The following HMGCLL1 variants were observed in gnomAD, a reference collection of about 807,000 sequenced individuals.
HMGCLL1 encodes the protein 3-hydroxymethyl-3-methylglutaryl-CoA lyase, cytoplasmic.
In HMGCLL1, 36 loss-of-function variants were observed where a neutral mutation model predicts 39.1. That is an observed-to-expected ratio of 0.92 (90% confidence interval 0.71 to 1.22). HMGCLL1 has a LOEUF of 1.22. HMGCLL1 is among the 50% of genes most tolerant of loss of function. The probability of loss-of-function intolerance (pLI) is 0.00; values close to 1 mark genes in which losing one functional copy is unlikely to be tolerated. For synonymous variants in HMGCLL1, 149 were observed against 144.0 expected (o/e 1.03, Z -0.25); for missense variants, 451 against 416.5 (o/e 1.08, Z -0.72).
At chr6:55,516,388 A>T in intron 4 of HMGCLL1, 120 bp downstream of exon 4, 2 of 549,748 alleles carry the variant, frequency 3.6e-6, no homozygotes, top group Non-Finnish European at 6.4e-6. Flanking sequence ...TCTTCATGTT[A>T]GTACATTAGC....
the HMGCLL1 span, among the ~76,000 whole-genome samples, chr6:55,670,591 G>A: frequency 1.3e-5 from 2 of 151,896 alleles, no homozygotes; most frequent in East Asian, 3.9e-4. Context: ...AATTTATATA[G>A]TTATGTTTCC....
At chr6:55,643,548 A>G in the HMGCLL1 span, among the ~76,000 whole-genome samples, 3 of 151,854 alleles carry the variant, frequency 2.0e-5, no homozygotes, top group Non-Finnish European at 4.4e-5. Flanking sequence ...AATACTACAT[A>G]TTATTTTTTC....
intron 7 of HMGCLL1, among the ~76,000 whole-genome samples, chr6:55,482,816 T>C (rs1182215382): frequency 1.3e-5 from 2 of 152,146 alleles, no homozygotes; most frequent in Non-Finnish European, 2.9e-5. Flanking sequence ...ATATTTTCCA[T>C]ATCCCGCAAG....
chr6:55,565,273 G>C (rs1018607352), intron 1 of HMGCLL1, among the ~76,000 whole-genome samples: 1 of 151,864 alleles, frequency 6.6e-6, no homozygotes, highest in African/African-American at 2.4e-5. Flanking sequence ...TTGAAAGTGA[G>C]AATAACAGGA....
chr6:55,473,197 G>A (rs550189872), intron 7 of HMGCLL1, among the ~76,000 whole-genome samples: 9 of 151,212 alleles, frequency 6.0e-5, no homozygotes, highest in Admixed American at 3.3e-4. Flanking sequence ...TTTAAAATCC[G>A]CTGGCAACCT....
chr6:55,487,302 T>A (rs79291535), intron 7 of HMGCLL1, among the ~76,000 whole-genome samples: 4,349 of 152,218 alleles, frequency 0.029, 203 homozygotes, highest in African/African-American at 0.1. Context: ...CTTGTTTGTT[T>A]GTTTTTATAT....
At chr6:55,627,922 A>ATATATATATATAT in the HMGCLL1 span, among the ~76,000 whole-genome samples, 2 of 2,368 alleles carry the variant, frequency 8.4e-4, no homozygotes, top group Non-Finnish European at 1.4e-3. Flanking sequence ...TATATATATA[A>ATATATATATATAT]TATATATACT....
chr6:55,657,235 T>C, the HMGCLL1 span, among the ~76,000 whole-genome samples: 1 of 152,122 alleles, frequency 6.6e-6, no homozygotes, highest in Non-Finnish European at 1.5e-5. Context: ...TTTGCTTTTG[T>C]TGCAGTTGCT....
At chr6:55,588,948 T>A in the HMGCLL1 span, among the ~76,000 whole-genome samples, 1 of 151,760 alleles carries the variant, frequency 6.6e-6, no homozygotes, top group Non-Finnish European at 1.5e-5. Context: ...CAGGACCAGA[T>A]GGATTCACAG....
intron 7 of HMGCLL1, among the ~76,000 whole-genome samples, chr6:55,489,615 A>G (rs563157280): frequency 4.6e-5 from 7 of 152,198 alleles, no homozygotes; most frequent in African/African-American, 1.4e-4. Context: ...AACCATAATG[A>G]GTTGTACTGA....
chr6:55,535,716 T>C (rs558608231), intron 3 of HMGCLL1, among the ~76,000 whole-genome samples: 2 of 152,274 alleles, frequency 1.3e-5, no homozygotes, highest in South Asian at 4.2e-4. Context: ...AGGAACCTCT[T>C]TGGGAAGGTG....
At chr6:55,576,642 C>T (rs548729172) in intron 1 of HMGCLL1, among the ~76,000 whole-genome samples, 1 of 152,036 alleles carries the variant, frequency 6.6e-6, no homozygotes, top group East Asian at 1.9e-4. Context: ...AGAGATAATG[C>T]CATTTTAAAA....
the HMGCLL1 span, among the ~76,000 whole-genome samples, chr6:55,642,341 C>T: frequency 6.6e-6 from 1 of 151,500 alleles, no homozygotes; most frequent in African/African-American, 2.4e-5. Context: ...TAAGTCTTTG[C>T]TATTGTGAAT....
At chr6:55,579,797 T>C (rs1771939644), upstream of HMGCLL1, among the ~76,000 whole-genome samples, 1 of 152,178 alleles carries the variant, frequency 6.6e-6, no homozygotes, top group Non-Finnish European at 1.5e-5. Flanking sequence ...CCCTAAGGAC[T>C]AGATTTATCC....
intron 1 of HMGCLL1, among the ~76,000 whole-genome samples, chr6:55,560,065 G>C (rs1056864829): frequency 6.6e-6 from 1 of 152,082 alleles, no homozygotes; most frequent in Non-Finnish European, 1.5e-5. Context: ...AAGTGTCATT[G>C]GGCAAGATAA....
At chr6:55,627,125 T>A in the HMGCLL1 span, among the ~76,000 whole-genome samples, 1 of 150,382 alleles carries the variant, frequency 6.6e-6, no homozygotes, top group East Asian at 2.0e-4. Flanking sequence ...GAAGGGGTAG[T>A]AGAAGAAGGT....
the HMGCLL1 span, among the ~76,000 whole-genome samples, chr6:55,646,416 C>A: frequency 2.6e-5 from 4 of 151,220 alleles, no homozygotes; most frequent in Non-Finnish European, 4.4e-5. Flanking sequence ...TTTATTATTT[C>A]TTTTGTTCTC....
chr6:55,600,678 T>TA, the HMGCLL1 span, among the ~76,000 whole-genome samples: 1 of 152,100 alleles, frequency 6.6e-6, no homozygotes. Context: ...AAAATTAACA[T>TA]AAAAAACATT....
At chr6:55,627,471 G>A in the HMGCLL1 span, among the ~76,000 whole-genome samples, 1 of 151,926 alleles carries the variant, frequency 6.6e-6, no homozygotes, top group Non-Finnish European at 1.5e-5. Context: ...CAGGAGATGT[G>A]TATGGGTTCA....
Sources: allele counts gnomAD v4.1 joint callset (sites outside exome capture counted in the v4.1 genomes callset), GRCh38; gene constraint gnomAD v4.1.1; transcripts MANE v1.5; gene names NCBI Gene and HGNC (gene_info 2026-07-23, HGNC 2026-07-21).